Variants in PRKG1 observed in about 807,000 individuals in gnomAD.
PRKG1 encodes the protein cGMP-dependent protein kinase 1.
Under a neutral mutation model 88.1 loss-of-function variants are expected in PRKG1, and 35 were observed. That is an observed-to-expected ratio of 0.40 (90% CI 0.30 to 0.53). The LOEUF (loss-of-function observed/expected upper bound fraction) is 0.53, where lower values mean the gene tolerates loss of function less well. PRKG1 is among the 20% of genes least tolerant of loss of function. The pLI, the probability that PRKG1 is intolerant of heterozygous loss-of-function variation, is 0.59. For missense variants in PRKG1, 540 were observed against 839.8 expected, an observed-to-expected ratio of 0.64 and a Z score of 4.41; for synonymous variants, 303 against 292.5, an observed-to-expected ratio of 1.04 and a Z score of -0.37.
chr10:51,902,452 T>A (rs977164580), intron 4 of PRKG1, among the ~76,000 whole-genome samples: 1 of 152,168 alleles, frequency 6.6e-6, no homozygotes, highest in Non-Finnish European at 1.5e-5. Context: ...ATAAGTACTA[T>A]ACACTTCTAA....
At chr10:51,106,648 T>A (rs1310654912) in intron 1 of PRKG1, among the ~76,000 whole-genome samples, 1 of 152,138 alleles carries the variant, frequency 6.6e-6, no homozygotes, top group Non-Finnish European at 1.5e-5. Flanking sequence ...AAAGTGAGCA[T>A]GAATCCCCAG....
intron 2 of PRKG1, among the ~76,000 whole-genome samples, chr10:51,271,203 G>C (rs935358804): frequency 6.6e-6 from 1 of 152,036 alleles, no homozygotes; most frequent in Non-Finnish European, 1.5e-5. Context: ...AGATGGTTGG[G>C]GGGGAGTAAA....
At chr10:51,535,879 T>A (rs981698681) in intron 3 of PRKG1, among the ~76,000 whole-genome samples, 11 of 151,966 alleles carry the variant, frequency 7.2e-5, no homozygotes, top group African/African-American at 2.7e-4. Context: ...CATGACACCA[T>A]GCCCAGTTAA....
At chr10:51,825,020 G>A (rs77416323) in intron 4 of PRKG1, among the ~76,000 whole-genome samples, 7,432 of 152,078 alleles carry the variant, frequency 0.049, 385 homozygotes, top group African/African-American at 0.12. Flanking sequence ...CAAATTACTG[G>A]GGCCTTTATC....
intron 1 of PRKG1, among the ~76,000 whole-genome samples, chr10:51,140,175 T>G (rs558982344): frequency 5.6e-4 from 85 of 152,326 alleles, no homozygotes; most frequent in Admixed American, 3.2e-3. Context: ...TCATTTTACA[T>G]GCTAAGTAGA....
intron 1 of PRKG1, among the ~76,000 whole-genome samples, chr10:50,999,957 G>T (rs1842872045): frequency 6.6e-6 from 1 of 152,206 alleles, no homozygotes; most frequent in Non-Finnish European, 1.5e-5. Context: ...TTTCAGAGAA[G>T]AGGTAAGAGG....
In PRKG1 at chr10:51,653,139, T is replaced by A. The variant is rs562480478; in HGVS notation, c.593-151446T>A. Among the ~76,000 whole-genome samples the A allele has an allele frequency of 1.6e-3, 238 of 152,364 alleles. No homozygotes were observed. In the Middle Eastern group the frequency reaches 0.024, roughly 15 times the overall value. On this transcript the variant is annotated intron_variant, in intron 3 of 17. Coordinates refer to ENST00000373980, the MANE Select transcript of PRKG1 (RefSeq NM_006258.4). ...TGCAGACACTTAGGTTGATTCCATA[T>A]CTTAGCTTTTGTGAATAGTGCTGTA...
At chr10:51,333,231 A>G (rs1340916005) in intron 2 of PRKG1, among the ~76,000 whole-genome samples, 1 of 152,192 alleles carries the variant, frequency 6.6e-6, no homozygotes, top group Non-Finnish European at 1.5e-5. Flanking sequence ...CTAGTTATCT[A>G]CTCAATGTGT....
At chr10:51,856,701 T>C (rs1840688043) in intron 4 of PRKG1, among the ~76,000 whole-genome samples, 1 of 151,836 alleles carries the variant, frequency 6.6e-6, no homozygotes, top group African/African-American at 2.4e-5. Flanking sequence ...CATGGTGGCT[T>C]ACGCCTGTAA....
Position 51,410,254 on chromosome 10 carries a change from G to GTA in PRKG1, c.479-57468_479-57467insAT, listed in dbSNP as rs1263555536. Among the ~76,000 whole-genome samples the GTA allele has an allele frequency of 9.6e-3, 779 of 81,550 alleles. 9 individuals carry two copies. The highest frequency in any genetic ancestry group is 0.031 in the African/African-American group (713 of 22,698). 53.5% of individuals were successfully genotyped at this position (81,550 alleles called of 152,430 possible). The stretch of plus-strand genomic sequence containing the variant: ...TGTGTGTGTATGTGTGTGTGTGTGT[G>GTA]TGTGTATATATATATATGTGTGTGT... On this transcript the variant is annotated intron_variant, in intron 2 of 17. Transcript: ENST00000373980.
intron 5 of PRKG1, among the ~76,000 whole-genome samples, chr10:52,014,097 AG>A (rs1844971022): frequency 6.6e-6 from 1 of 152,222 alleles, no homozygotes; most frequent in Non-Finnish European, 1.5e-5. Flanking sequence ...AGGAAAGGAC[AG>A]GATTGAAGTA....
At chr10:51,610,879 T>A (rs192671790) in intron 3 of PRKG1, among the ~76,000 whole-genome samples, 20 of 151,690 alleles carry the variant, frequency 1.3e-4, no homozygotes, top group Admixed American at 9.9e-4. Context: ...CAACACACAC[T>A]GGGGCCTATC....
chr10:51,301,551 A>G (rs1195403056), intron 2 of PRKG1, among the ~76,000 whole-genome samples: 1 of 152,202 alleles, frequency 6.6e-6, no homozygotes, highest in Non-Finnish European at 1.5e-5. Flanking sequence ...TTTGGAAACT[A>G]ATGTTTAAGT....
chr10:51,790,797 G>A (rs1838849937), intron 3 of PRKG1, among the ~76,000 whole-genome samples: 1 of 152,030 alleles, frequency 6.6e-6, no homozygotes, highest in Non-Finnish European at 1.5e-5. Flanking sequence ...CAATCATATA[G>A]CTGTATGCCT....
intron 2 of PRKG1, among the ~76,000 whole-genome samples, chr10:51,260,868 A>G (rs1164997178): frequency 6.6e-6 from 1 of 152,230 alleles, no homozygotes; most frequent in African/African-American, 2.4e-5. Context: ...AATATTTAGA[A>G]TGTAGATTTT....
chr10:51,942,865 A>G (rs1711691932), intron 5 of PRKG1, among the ~76,000 whole-genome samples: 1 of 150,488 alleles, frequency 6.6e-6, no homozygotes, highest in Non-Finnish European at 1.5e-5. Flanking sequence ...GCCTTGTAGT[A>G]TAGTTTGAAG....
At chr10:52,081,234 G>A (rs1333695720) in intron 7 of PRKG1, among the ~76,000 whole-genome samples, 1 of 152,148 alleles carries the variant, frequency 6.6e-6, no homozygotes, top group Non-Finnish European at 1.5e-5. Flanking sequence ...TGGGGATCAG[G>A]CAAAGACACG....
chr10:51,162,476 A>T lies in PRKG1; in HGVS notation c.478+9146A>T, dbSNP rs186766710. 5.7e-3 allele frequency among the ~76,000 whole-genome samples: 866 copies of T among 152,328 alleles called. 11 individuals carry two copies. The highest frequency in any genetic ancestry group is 7.8e-3 in the Non-Finnish European group (529 of 68,034). ...AAGGCTCCAAAAGTAGTACACAGAG[A>T]TTTAGAATTATGGTGGATGACGTAA... On this transcript the variant is annotated intron_variant, in intron 2 of 17. Coordinates refer to ENST00000373980, the MANE Select transcript of PRKG1 (RefSeq NM_006258.4).
intron 3 of PRKG1, among the ~76,000 whole-genome samples, chr10:51,537,673 A>G (rs1161300977): frequency 2.0e-5 from 3 of 146,408 alleles, no homozygotes; most frequent in Non-Finnish European, 3.0e-5. Context: ...GGTTGCAGTG[A>G]GCCAAGATTG....
Sources: gnomAD v4.1 joint callset for allele counts (sites outside exome capture counted in the v4.1 genomes callset) on GRCh38, gnomAD v4.1.1 for gene constraint, MANE v1.5 for transcripts, NCBI Gene and HGNC (gene_info 2026-07-23, HGNC 2026-07-21) for gene names.